The following TOP2A variants were observed in gnomAD, a reference collection of about 807,000 sequenced individuals.
TOP2A encodes DNA topoisomerase 2-alpha.
TOP2A carries 68 observed loss-of-function variants against 187.2 expected under a neutral mutation model. The ratio of observed to expected loss-of-function variants is 0.36; its 90% CI spans 0.30 to 0.44. The LOEUF (loss-of-function observed/expected upper bound fraction) is 0.44, where lower values mean the gene tolerates loss of function less well. TOP2A is among the 20% of genes least tolerant of loss of function. The probability of loss-of-function intolerance (pLI) is 1.00; values close to 1 mark genes in which losing one functional copy is unlikely to be tolerated. For synonymous variants in TOP2A, 542 were observed against 593.2 expected (o/e 0.91, Z 1.25); for missense variants, 1,196 against 1,808.7 (o/e 0.66, Z 6.14).
intron 23 of TOP2A, 41 bp downstream of exon 23, chr17:40,400,168 T>C: frequency 1.9e-6 from 3 of 1,598,854 alleles, no homozygotes; most frequent in Non-Finnish European, 2.6e-6. Flanking sequence ...TAATCTTTAA[T>C]ATAAATTGAA....
chr17:40,406,526 T>C (rs373108441), intron 15 of TOP2A, 33 bp from the exon 16 acceptor site: 453 of 1,609,880 alleles, frequency 2.8e-4, no homozygotes, highest in Non-Finnish European at 3.7e-4. Flanking sequence ...TTCCTTCATA[T>C]AGTCTTGTAC....
intron 10 of TOP2A, among the ~76,000 whole-genome samples, chr17:40,410,406 AC>A (rs1169225846): frequency 6.6e-6 from 1 of 152,256 alleles, no homozygotes; most frequent in East Asian, 1.9e-4. Flanking sequence ...TAATTAGATT[AC>A]AGCAGATCTT....
intron 34 of TOP2A, 21 bp from the exon 35 acceptor site, chr17:40,389,668 T>C (rs1478418842): frequency 1.9e-6 from 3 of 1,603,676 alleles, no homozygotes; most frequent in Non-Finnish European, 2.6e-6. Flanking sequence ...AAAGCCCAGG[T>C]AACTTGCACA....
chr17:40,397,760 T>C (rs1375503323), intron 27 of TOP2A, among the ~76,000 whole-genome samples: 2 of 152,056 alleles, frequency 1.3e-5, no homozygotes, highest in Non-Finnish European at 2.9e-5. Flanking sequence ...TGGTATCATT[T>C]ACTGTATTCT....
intron 27 of TOP2A, among the ~76,000 whole-genome samples, chr17:40,397,778 A>ATT (rs1379272976): frequency 3.7e-5 from 5 of 136,636 alleles, no homozygotes; most frequent in Non-Finnish European, 4.8e-5. Flanking sequence ...TCTAAATAGT[A>ATT]TTTTTTTTTT....
chr17:40,404,701 T>C, intron 17 of TOP2A, 90 bp downstream of exon 17: 1 of 917,830 alleles, frequency 1.1e-6, no homozygotes, highest in Non-Finnish European at 1.7e-6. Flanking sequence ...TTTACTAAAA[T>C]AACTATTCAG....
At chr17:40,409,480 T>A (rs1250222910) in intron 10 of TOP2A, 1 of 448,670 alleles carries the variant, frequency 2.2e-6, no homozygotes, top group Admixed American at 2.4e-5. Context: ...CAGACATAGC[T>A]GGGTGCAGTG....
At chr17:40,394,058 T>C (rs1242801671) in intron 29 of TOP2A, among the ~76,000 whole-genome samples, 1 of 98,492 alleles carries the variant, frequency 1.0e-5, no homozygotes, top group Admixed American at 1.1e-4. Flanking sequence ...AGAGCGAAAC[T>C]CTGCCTCAAA....
In TOP2A at chr17:40,396,576, T is replaced by C. The variant is rs933607157; in HGVS notation, c.3538-111A>G. 34 of 1,349,188 alleles carry C rather than the reference T, an allele frequency of 2.5e-5. No individual in the cohort carries two copies. The Middle Eastern group carries it at 7.1e-4, about 28-fold the overall frequency. The allele number at this position is 1,349,188 out of a possible 1,614,324, so 83.6% of individuals were successfully genotyped here. A position where few individuals can be genotyped will look rare whatever the true frequency, so the allele number is the denominator to read the frequency against. On this transcript the variant is annotated intron_variant, in intron 27 of 34. Coordinates refer to ENST00000423485, the MANE Select transcript of TOP2A (RefSeq NM_001067.4). ...TTTGTTACATCTTAAAAACTAGTGA[T>C]AAATTGCTCCATAACCTAGTATACT...
chr17:40,400,742 T>C, intron 21 of TOP2A, 79 bp from the exon 22 acceptor site: 4 of 1,539,046 alleles, frequency 2.6e-6, no homozygotes, highest in Non-Finnish European at 3.5e-6. Flanking sequence ...TAACAATAAA[T>C]CTAAAGTATG....
At chr17:40,396,228 AC>A in intron 28 of TOP2A, 54 bp downstream of exon 28, 1 of 973,008 alleles carries the variant, frequency 1.0e-6, no homozygotes, top group East Asian at 2.6e-5. Flanking sequence ...TGATCCACCC[AC>A]CTTGGCCCCC....
chr17:40,405,556 G>A (rs1183171359), intron 16 of TOP2A, among the ~76,000 whole-genome samples: 65 of 149,944 alleles, frequency 4.3e-4, no homozygotes, highest in African/African-American at 1.5e-3. Flanking sequence ...CTGGGTTCAC[G>A]CCATTCTCCT....
chr17:40,402,912 A>G lies in TOP2A; in HGVS notation c.2426T>C (p.Met809Thr), dbSNP rs921775078. The change falls in exon 20 of 35, where the codon ATG becomes ACG. Residue 809 changes from methionine (M) to threonine (T), a missense_variant. This residue lies in a region of TOP2A where 209 missense variants were observed against 376.9 expected (regional missense o/e 0.55). Coordinates refer to ENST00000423485, the MANE Select transcript of TOP2A (RefSeq NM_001067.4). ...AAAGTGAAAGCATACCTACCTGAGC[A>G]TTGTAAAGATGTATCGTGGACTAGC... Reference protein sequence around the residue: ...DSASPRYIFTMLSSLARLLFP... With the variant: ...DSASPRYIFTTLSSLARLLFP... The G allele has an allele frequency of 6.2e-7, 1 of 1,605,604 alleles. No individual in the cohort carries two copies. Among genetic ancestry groups the G allele is most frequent in the Admixed American group, 1.7e-5 (1 of 58,936 alleles).
At chr17:40,393,280 T>C (rs896083228) in intron 29 of TOP2A, among the ~76,000 whole-genome samples, 2 of 151,864 alleles carry the variant, frequency 1.3e-5, no homozygotes, top group African/African-American at 4.8e-5. Flanking sequence ...TGGGCTGTGA[T>C]CATGCCACTG....
intron 27 of TOP2A, among the ~76,000 whole-genome samples, chr17:40,398,050 T>C (rs1438115845): frequency 6.6e-6 from 1 of 151,924 alleles, no homozygotes; most frequent in Non-Finnish European, 1.5e-5. Flanking sequence ...AGTGCTGGGA[T>C]TGTAGGTGTG....
chr17:40,416,385 G>A, intron 3 of TOP2A, 37 bp downstream of exon 3: 1 of 1,279,450 alleles, frequency 7.8e-7, no homozygotes, highest in Non-Finnish European at 1.1e-6. Context: ...TCTTATGAAA[G>A]ATTTGACCAG....
chr17:40,407,834 G>A, intron 12 of TOP2A, 133 bp downstream of exon 12: 1 of 1,192,104 alleles, frequency 8.4e-7, no homozygotes, highest in East Asian at 2.5e-5. Context: ...AGGCTACAAT[G>A]TACCTAATTT....
rs1427438577 is a variant in TOP2A at position 40,417,819 on chromosome 17, C to A, written c.-28G>T. ...TGACGGTCGTGAAGGGGCTCAAGAA[C>A]CCTGAAAGCGACTAAACAGGCAGGA... On this transcript the variant is annotated 5_prime_UTR_variant, in exon 1 of 35. Coordinates refer to ENST00000423485, the MANE Select transcript of TOP2A (RefSeq NM_001067.4). 1 of 1,613,212 alleles carries A rather than the reference C, an allele frequency of 6.2e-7. No individual in the cohort carries two copies. The highest frequency in any genetic ancestry group is 1.3e-5 in the African/African-American group (1 of 74,910).
At position 40,406,434 on chromosome 17, in the gene TOP2A, G is replaced by C; in HGVS notation, c.1903C>G (p.Arg635Gly). 1 of 1,613,760 alleles carries C rather than the reference G, an allele frequency of 6.2e-7. No homozygotes were observed. The highest frequency in any genetic ancestry group is 8.5e-7 in the Non-Finnish European group (1 of 1,179,734). The part of the protein sequence containing the change: ...KEYFADMKRH[R>G]IQFKYSGPED... The stretch of plus-strand genomic sequence containing the variant: ...GGACCAGAATATTTGAACTGGATAC[G>C]ATGTCTTTTCATATCTGCAAAGTAT... Residue 635 changes from arginine to glycine, a missense_variant, in exon 16 of 35, where the codon CGT (arginine) becomes GGT (glycine). By Grantham distance (125) the Arg-to-Gly change is moderately radical. This residue lies in a region of TOP2A where 209 missense variants were observed against 376.9 expected (regional missense o/e 0.55). Coordinates refer to ENST00000423485, the MANE Select transcript of TOP2A (RefSeq NM_001067.4).
Sources: gnomAD v4.1 joint callset for allele counts (sites outside exome capture counted in the v4.1 genomes callset) on GRCh38, gnomAD v4.1.1 for gene constraint, gnomAD v4.1.1 regional missense constraint, MANE v1.5 for transcripts, NCBI Gene and HGNC (gene_info 2026-07-23, HGNC 2026-07-21) for gene names.